MYRIP: variants seen among roughly 807,000 people sequenced by gnomAD.
The protein encoded by MYRIP is myosin VIIA and Rab interacting protein.
A neutral mutation model predicts 98.0 loss-of-function variants in MYRIP; 49 were observed. That is an observed-to-expected ratio of 0.50 (90% confidence interval 0.40 to 0.63). The LOEUF (loss-of-function observed/expected upper bound fraction) is 0.63, where lower values mean the gene tolerates loss of function less well. MYRIP is among the 30% of genes least tolerant of loss of function. The pLI, the probability that MYRIP is intolerant of heterozygous loss-of-function variation, is 0.00. For synonymous variants in MYRIP, 404 were observed against 409.5 expected (o/e 0.99, Z 0.16); for missense variants, 1,004 against 1,058.2 (o/e 0.95, Z 0.71).
intron 11 of MYRIP, among the ~76,000 whole-genome samples, chr3:40,215,421 A>C (rs1952087196): frequency 6.6e-6 from 1 of 152,142 alleles, no homozygotes; most frequent in Admixed American, 6.6e-5. Context: ...TAAACTAATA[A>C]ATGTCTTTCT....
chr3:39,866,842 T>C (rs1026593590), intron 1 of MYRIP, among the ~76,000 whole-genome samples: 1 of 152,198 alleles, frequency 6.6e-6, no homozygotes, highest in Admixed American at 6.5e-5. Flanking sequence ...AACATTTATA[T>C]AGAGCCACAA....
chr3:40,181,080 C>G (rs1360556557), intron 8 of MYRIP, among the ~76,000 whole-genome samples: 2 of 152,134 alleles, frequency 1.3e-5, no homozygotes, highest in African/African-American at 4.8e-5. Context: ...TTTTTGCTGT[C>G]TTTCTTTCTT....
At chr3:39,831,438 G>T (rs1941441637) in intron 1 of MYRIP, among the ~76,000 whole-genome samples, 1 of 151,968 alleles carries the variant, frequency 6.6e-6, no homozygotes, top group African/African-American at 2.4e-5. Context: ...GCATCTCTTA[G>T]TTGCCTAGGT....
chr3:39,984,599 C>G (rs1317170565), intron 2 of MYRIP, among the ~76,000 whole-genome samples: 2 of 152,068 alleles, frequency 1.3e-5, no homozygotes, highest in East Asian at 1.9e-4. Flanking sequence ...GTGTATATGT[C>G]CCACATTTTC....
chr3:39,887,892 A>T (rs1943354724), intron 1 of MYRIP, among the ~76,000 whole-genome samples: 1 of 151,996 alleles, frequency 6.6e-6, no homozygotes, highest in Non-Finnish European at 1.5e-5. Context: ...CAACAGACAA[A>T]CAGAGAGCCA....
chr3:39,878,415 C>A (rs911540123), intron 1 of MYRIP, among the ~76,000 whole-genome samples: 1 of 152,182 alleles, frequency 6.6e-6, no homozygotes, highest in Admixed American at 6.5e-5. Flanking sequence ...GATGGAAATG[C>A]AGAAATCACC....
At chr3:40,178,984 G>A (rs904225769) in intron 8 of MYRIP, among the ~76,000 whole-genome samples, 8 of 152,160 alleles carry the variant, frequency 5.3e-5, no homozygotes, top group South Asian at 2.1e-4. Context: ...CCAGCCCTGC[G>A]TCTTCTGTGT....
intron 1 of MYRIP, among the ~76,000 whole-genome samples, chr3:39,844,593 T>G (rs1409436482): frequency 1.3e-5 from 2 of 152,160 alleles, no homozygotes; most frequent in Non-Finnish European, 2.9e-5. Flanking sequence ...CCATTACCAC[T>G]TGACAGTGGG....
At chr3:40,044,417 A>G (rs921431397) in intron 3 of MYRIP, 146 bp downstream of exon 3, 5 of 803,162 alleles carry the variant, frequency 6.2e-6, no homozygotes, top group East Asian at 5.4e-5. Context: ...AGAGAGATGC[A>G]TGGATAAGGA....
chr3:40,157,352 A>C (rs1950266782), intron 4 of MYRIP, among the ~76,000 whole-genome samples: 5 of 124,178 alleles, frequency 4.0e-5, no homozygotes, highest in African/African-American at 1.6e-4. Context: ...AGCCCACTTG[A>C]TCATGGTGGA....
At chr3:40,083,574 G>T (rs1407097464) in intron 3 of MYRIP, among the ~76,000 whole-genome samples, 1 of 152,050 alleles carries the variant, frequency 6.6e-6, no homozygotes, top group African/African-American at 2.4e-5. Context: ...ACCAGACCTG[G>T]TACACAACAT....
chr3:40,156,336 T>G lies in MYRIP; in HGVS notation c.469+5152T>G, dbSNP rs368484459. ...GGCATTATTTCTGAGGGCTCTGTTC[T>G]GTTCCATTGATCTATATTTCTGTTT... On this transcript the variant is annotated intron_variant, in intron 4 of 16. Coordinates refer to ENST00000302541, the MANE Select transcript of MYRIP (RefSeq NM_015460.4). Among the ~76,000 whole-genome samples, 8 of 152,202 alleles carry G rather than the reference T, an allele frequency of 5.3e-5. No homozygotes were observed. In the East Asian group the frequency reaches 1.2e-3, roughly 22 times the overall value.
chr3:40,010,691 C>A (rs1946743318), intron 2 of MYRIP, among the ~76,000 whole-genome samples: 1 of 152,168 alleles, frequency 6.6e-6, no homozygotes. Context: ...GTTCTTCAGC[C>A]AGTATGGTTG....
At chr3:39,886,411 A>G (rs556971855) in intron 1 of MYRIP, among the ~76,000 whole-genome samples, 38 of 149,454 alleles carry the variant, frequency 2.5e-4, no homozygotes, top group African/African-American at 9.3e-4. Context: ...ATAAAGAGTC[A>G]AGACCCATCA....
intron 1 of MYRIP, among the ~76,000 whole-genome samples, chr3:39,890,154 C>G (rs564442603): frequency 6.6e-6 from 1 of 152,026 alleles, no homozygotes; most frequent in Non-Finnish European, 1.5e-5. Flanking sequence ...GAATATTCTT[C>G]CAACCTTTTA....
intron 2 of MYRIP, among the ~76,000 whole-genome samples, chr3:39,932,934 A>G (rs1297458867): frequency 6.6e-6 from 1 of 152,176 alleles, no homozygotes; most frequent in African/African-American, 2.4e-5. Flanking sequence ...AGTAATCATA[A>G]TTTGCATTGA....
intron 1 of MYRIP, among the ~76,000 whole-genome samples, chr3:39,845,852 CAA>C (rs3062461): frequency 0.029 from 2,796 of 96,868 alleles, 123 homozygotes; most frequent in East Asian, 0.27. Context: ...TTTCCCCTAC[CAA>C]AAAAAAAAAA....
At chr3:39,882,600 T>C (rs1353084005) in intron 1 of MYRIP, among the ~76,000 whole-genome samples, 1 of 152,192 alleles carries the variant, frequency 6.6e-6, no homozygotes, top group African/African-American at 2.4e-5. Context: ...GCATGGTCTT[T>C]GGAGGCAGTT....
At chr3:40,058,522 C>G (rs1947930681) in intron 3 of MYRIP, among the ~76,000 whole-genome samples, 1 of 152,124 alleles carries the variant, frequency 6.6e-6, no homozygotes, top group Non-Finnish European at 1.5e-5. Flanking sequence ...TGAATGTCTT[C>G]TTTAATGTGC....
Sources: allele counts gnomAD v4.1 joint callset (sites outside exome capture counted in the v4.1 genomes callset), GRCh38; gene constraint gnomAD v4.1.1; transcripts MANE v1.5; gene names NCBI Gene and HGNC (gene_info 2026-07-23, HGNC 2026-07-21).